Variants in USP6NL observed in about 807,000 individuals in gnomAD.
The protein encoded by USP6NL is USP6 N-terminal-like protein.
In USP6NL, 26 loss-of-function variants were observed where a neutral mutation model predicts 61.9. The ratio of observed to expected loss-of-function variants is 0.42; its 90% confidence interval spans 0.31 to 0.58. The LOEUF is 0.58. Ranked by LOEUF, USP6NL falls within the 20% of genes least tolerant of loss-of-function variation. USP6NL has a pLI of 0.16. For synonymous variants in USP6NL, 432 were observed against 390.1 expected (o/e 1.11, Z -1.27); for missense variants, 1,114 against 1,034.3 (o/e 1.08, Z -1.06).
chr10:11,498,781 T>C (rs556072254), intron 7 of USP6NL, among the ~76,000 whole-genome samples: 76 of 152,290 alleles, frequency 5.0e-4, no homozygotes, highest in African/African-American at 1.7e-3. Flanking sequence ...TTTTCCTTCC[T>C]GTAGGAAACA....
chr10:11,547,522 G>A (rs1057229943), intron 2 of USP6NL, among the ~76,000 whole-genome samples: 1 of 150,954 alleles, frequency 6.6e-6, no homozygotes, highest in Non-Finnish European at 1.5e-5. Flanking sequence ...ATTTAATCAA[G>A]CTCATAAAGC....
intron 2 of USP6NL, among the ~76,000 whole-genome samples, chr10:11,533,773 G>A (rs532794559): frequency 1.3e-5 from 2 of 152,306 alleles, no homozygotes; most frequent in South Asian, 4.1e-4. Flanking sequence ...TAAGTCATGT[G>A]CTGTTACAGC....
At position 11,478,349 on chromosome 10, in the gene USP6NL, T is replaced by C. The variant is rs190768906; in HGVS notation, c.1078+3421A>G. On this transcript the variant is annotated intron_variant, in intron 14 of 14. Transcript: ENST00000609104. The surrounding 1 kb of genome is among the most constrained non-coding windows in gnomAD (Gnocchi z 6.8). ...CTGCTGACAGCCACGTTTCATATGG[T>C]ACACGAGTGGGGGATGGAATGTGAG... Among the ~76,000 whole-genome samples the C allele has an allele frequency of 2.6e-5, 4 of 152,274 alleles. No homozygotes were observed. Among genetic ancestry groups the C allele is most frequent in the African/African-American group, 7.2e-5 (3 of 41,560 alleles).
chr10:11,567,994 C>T (rs1352429579), intron 2 of USP6NL, among the ~76,000 whole-genome samples: 2 of 151,844 alleles, frequency 1.3e-5, no homozygotes, highest in East Asian at 1.9e-4. Flanking sequence ...ACCACTTCTG[C>T]GCTGCCTTTC....
chr10:11,526,740 T>C (rs1380114387), intron 3 of USP6NL, among the ~76,000 whole-genome samples: 1 of 152,096 alleles, frequency 6.6e-6, no homozygotes, highest in Admixed American at 6.6e-5. Flanking sequence ...ATACAAAACA[T>C]GACATTTATA....
chr10:11,473,317 TTCTG>T (rs1277303609), intron 14 of USP6NL, among the ~76,000 whole-genome samples: 1 of 152,188 alleles, frequency 6.6e-6, no homozygotes, highest in Non-Finnish European at 1.5e-5. Context: ...CCAGGGAACT[TTCTG>T]TCTAATAGAG....
At position 11,462,932 on chromosome 10, in the gene USP6NL, G is replaced by T; in HGVS notation, c.1996C>A (p.Pro666Thr). The change falls in exon 15 of 15, where the codon CCT becomes ACT. Residue 666 changes from proline (P) to threonine (T), a missense_variant. By Grantham distance (38) the Pro-to-Thr change is conservative. Transcript: ENST00000609104. ...GTAGAACCATGAGGTCTCCTGGAAG[G>T]ATTCAGTTGAGTCCCAGGGCTAAAC... is the stretch of plus-strand genomic sequence containing the variant. ...PQFSPGTQLN[P>T]SRRPHGSTLS... 1 of 1,613,568 alleles carries T rather than the reference G, an allele frequency of 6.2e-7. No homozygotes were observed. Among genetic ancestry groups the T allele is most frequent in the African/African-American group, 1.3e-5 (1 of 75,032 alleles).
chr10:11,476,627 A>G lies in USP6NL; in HGVS notation c.1078+5143T>C, dbSNP rs1024691844. 2.6e-5 allele frequency among the ~76,000 whole-genome samples: 4 copies of G among 152,168 alleles called. No individual in the cohort carries two copies. Among genetic ancestry groups the G allele is most frequent in the East Asian group, 1.9e-4 (1 of 5,196 alleles). ...TTTCTCTGTATTTTTGATAGTTTTC[A>G]TAAGTAAAATAAAAGATGCCAAACC... On this transcript the variant is annotated intron_variant, in intron 14 of 14. Transcript: ENST00000609104. This position sits in a 1 kb window ranked among gnomAD's most constrained non-coding sequence, Gnocchi z 4.3.
intron 1 of USP6NL, among the ~76,000 whole-genome samples, chr10:11,599,840 T>C (rs757856384): frequency 2.4e-4 from 37 of 152,044 alleles, no homozygotes; most frequent in Non-Finnish European, 5.0e-4. Context: ...TTTGTATTTT[T>C]CACAGAGACA....
At chr10:11,557,071 T>C (rs1235318564) in intron 2 of USP6NL, among the ~76,000 whole-genome samples, 1 of 152,216 alleles carries the variant, frequency 6.6e-6, no homozygotes, top group African/African-American at 2.4e-5. Flanking sequence ...ATTACTAAAA[T>C]CTAAAGCATA....
intron 2 of USP6NL, among the ~76,000 whole-genome samples, chr10:11,547,677 A>G (rs1174092321): frequency 1.3e-5 from 2 of 151,826 alleles, no homozygotes; most frequent in African/African-American, 2.4e-5. Flanking sequence ...AGTAGCTGGG[A>G]CTACAGGCAT....
rs754867001 is a variant in USP6NL, at chr10:11,585,555, G to C, written c.4+12076C>G. Among the ~76,000 whole-genome samples, 4 of 152,112 alleles carry C rather than the reference G, an allele frequency of 2.6e-5. No homozygotes were observed. On this transcript the variant is annotated intron_variant, in intron 2 of 14. Coordinates refer to ENST00000609104, the MANE Select transcript of USP6NL (RefSeq NM_014688.5). The surrounding 1 kb of genome is among the most constrained non-coding windows in gnomAD (Gnocchi z 4.5). Reference sequence around the variant, plus strand: ...CGGGCACCTGTACTCCCAGCTACTCGGGAGGCTGAGGAACGGGAATGGCGC... The same window carrying C: ...CGGGCACCTGTACTCCCAGCTACTCCGGAGGCTGAGGAACGGGAATGGCGC...
chr10:11,579,087 T>C (rs1416654717), intron 2 of USP6NL, among the ~76,000 whole-genome samples: 2 of 152,176 alleles, frequency 1.3e-5, no homozygotes, highest in Non-Finnish European at 2.9e-5. Flanking sequence ...AAGTAATACT[T>C]ACATTCATTC....
At chr10:11,550,712 G>A (rs1406601128) in intron 2 of USP6NL, among the ~76,000 whole-genome samples, 4 of 151,792 alleles carry the variant, frequency 2.6e-5, no homozygotes, top group Non-Finnish European at 5.9e-5. Flanking sequence ...AGCTGAGATC[G>A]CGCCACTGCA....
intron 2 of USP6NL, among the ~76,000 whole-genome samples, chr10:11,556,780 T>C (rs962543863): frequency 5.9e-5 from 9 of 151,916 alleles, no homozygotes; most frequent in African/African-American, 2.2e-4. Flanking sequence ...ATTGGCAAAA[T>C]TAAAAGAAAA....
chr10:11,567,203 T>C (rs1163413697), intron 2 of USP6NL, among the ~76,000 whole-genome samples: 11 of 152,248 alleles, frequency 7.2e-5, no homozygotes, highest in Non-Finnish European at 1.6e-4. Context: ...TTATTTTTAA[T>C]TGACAAATAA....
At chr10:11,550,822 T>A (rs556609188) in intron 2 of USP6NL, among the ~76,000 whole-genome samples, 1 of 147,742 alleles carries the variant, frequency 6.8e-6, no homozygotes, top group East Asian at 2.0e-4. Flanking sequence ...GAGATTTGAA[T>A]AGACACTTCA....
chr10:11,607,272 T>C (rs1170946964), intron 1 of USP6NL, among the ~76,000 whole-genome samples: 1 of 152,244 alleles, frequency 6.6e-6, no homozygotes, highest in African/African-American at 2.4e-5. Context: ...CAAAATCTTA[T>C]TTCACCTTAT....
intron 6 of USP6NL, 92 bp downstream of exon 6, chr10:11,509,503 G>A: frequency 8.1e-7 from 1 of 1,228,538 alleles, no homozygotes; most frequent in Non-Finnish European, 1.1e-6. Flanking sequence ...AAATATGAAT[G>A]TAACACTCTT....
Sources: gnomAD v4.1 joint callset for allele counts (sites outside exome capture counted in the v4.1 genomes callset) on GRCh38, gnomAD v4.1.1 for gene constraint, Gnocchi (gnomAD v3.1) non-coding constraint, MANE v1.5 for transcripts, NCBI Gene and HGNC (gene_info 2026-07-23, HGNC 2026-07-21) for gene names.